Variants in SCYL2 observed in about 807,000 individuals in gnomAD.
SCYL2 encodes the protein SCY1 like pseudokinase 2, also known as SCY1-like protein 2.
SCYL2 carries 36 observed loss-of-function variants against 100.4 expected under a neutral mutation model. The ratio of observed to expected loss-of-function variants is 0.36; its 90% CI spans 0.27 to 0.47. The LOEUF (loss-of-function observed/expected upper bound fraction) is 0.47. SCYL2 is among the 20% of genes least tolerant of loss of function. The probability of loss-of-function intolerance (pLI) is 1.00; values close to 1 mark genes in which losing one functional copy is unlikely to be tolerated. For synonymous variants in SCYL2, 330 were observed against 359.2 expected, an observed-to-expected ratio of 0.92 and a Z score of 0.92; for missense variants, 902 against 1,083.9, an observed-to-expected ratio of 0.83 and a Z score of 2.36.
intron 1 of SCYL2, among the ~76,000 whole-genome samples, chr12:100,277,019 G>T (rs958829540): frequency 1.3e-5 from 2 of 151,860 alleles, no homozygotes; most frequent in African/African-American, 4.8e-5. Context: ...TAAAAGCGTT[G>T]ATTAATTTCC....
intron 3 of SCYL2, among the ~76,000 whole-genome samples, chr12:100,294,991 G>A (rs1405986411): frequency 6.6e-6 from 1 of 151,574 alleles, no homozygotes; most frequent in African/African-American, 2.4e-5. Context: ...CGGGGTGGCC[G>A]GGCAGAGACG....
intron 1 of SCYL2, among the ~76,000 whole-genome samples, chr12:100,268,097 T>G (rs2096281615): frequency 6.6e-6 from 1 of 152,128 alleles, no homozygotes; most frequent in Non-Finnish European, 1.5e-5. Context: ...TATTATCAAA[T>G]CCACCCTCTA....
intron 4 of SCYL2, among the ~76,000 whole-genome samples, chr12:100,304,339 C>T (rs1316566985): frequency 6.6e-6 from 1 of 152,036 alleles, no homozygotes; most frequent in African/African-American, 2.4e-5. Context: ...CGGTGTCTGC[C>T]CAAACGGCGC....
intron 3 of SCYL2, among the ~76,000 whole-genome samples, chr12:100,295,446 G>T (rs993665044): frequency 4.6e-5 from 7 of 152,176 alleles, no homozygotes; most frequent in African/African-American, 1.7e-4. Flanking sequence ...CTGCAATCCC[G>T]GCACCTCGGG....
intron 11 of SCYL2, among the ~76,000 whole-genome samples, chr12:100,324,953 G>A (rs1387011890): frequency 1.3e-5 from 2 of 152,090 alleles, no homozygotes; most frequent in South Asian, 2.1e-4. Flanking sequence ...GTTGTAGGCC[G>A]GGCATGGTGG....
intron 1 of SCYL2, among the ~76,000 whole-genome samples, chr12:100,277,625 A>G (rs533793965): frequency 2.2e-4 from 34 of 152,306 alleles, no homozygotes; most frequent in Admixed American, 5.2e-4. Flanking sequence ...TAAGCAGCAT[A>G]TAGTTAGGTC....
intron 4 of SCYL2, among the ~76,000 whole-genome samples, chr12:100,309,209 T>C (rs2096338795): frequency 6.6e-6 from 1 of 152,060 alleles, no homozygotes. Flanking sequence ...AGGATTCTAT[T>C]TGGCCATCTT....
Position 100,317,875 on chromosome 12 carries a change from G to A in SCYL2, c.1345G>A (p.Val449Ile), listed in dbSNP as rs764878035. 6.2e-7 allele frequency: 1 copy of A among 1,606,718 alleles called. No individual in the cohort carries two copies. The highest frequency in any genetic ancestry group is 8.5e-7 in the Non-Finnish European group (1 of 1,178,456). ...CCCTCCTGATGAGATAAAGAACAGTGTTCTACCCATGGTTTACAGAGCACT... is the reference window on the plus strand; with the variant it reads ...CCCTCCTGATGAGATAAAGAACAGTATTCTACCCATGGTTTACAGAGCACT... ...KTPPDEIKNS[V>I]LPMVYRALEA... Residue 449 changes from valine (V) to isoleucine (I), a missense_variant, in exon 10 of 18, where the codon GTT becomes ATT. Transcript: ENST00000360820.
chr12:100,299,638 T>C (rs544466604), intron 4 of SCYL2, among the ~76,000 whole-genome samples: 1 of 152,322 alleles, frequency 6.6e-6, no homozygotes, highest in East Asian at 1.9e-4. Context: ...TCTTTTTCGG[T>C]CTGGCTTCTT....
chr12:100,271,337 C>T (rs2096287491), intron 1 of SCYL2, among the ~76,000 whole-genome samples: 2 of 148,028 alleles, frequency 1.4e-5, no homozygotes, highest in Non-Finnish European at 3.0e-5. Context: ...CAGGTAAGTA[C>T]TGCATATGGG....
At chr12:100,269,939 C>A (rs1488277537) in intron 1 of SCYL2, among the ~76,000 whole-genome samples, 1 of 151,210 alleles carries the variant, frequency 6.6e-6, no homozygotes, top group Non-Finnish European at 1.5e-5. Flanking sequence ...TTAGACAGTA[C>A]TTGTGTTTTA....
intron 4 of SCYL2, among the ~76,000 whole-genome samples, chr12:100,300,573 C>A (rs570518476): frequency 1.3e-5 from 2 of 152,138 alleles, no homozygotes; most frequent in East Asian, 3.9e-4. Flanking sequence ...CTAGCAAGTT[C>A]TAGGTCTTAT....
intron 1 of SCYL2, among the ~76,000 whole-genome samples, chr12:100,272,274 T>G (rs1051871360): frequency 2.0e-5 from 3 of 152,192 alleles, no homozygotes; most frequent in Non-Finnish European, 4.4e-5. Context: ...TAGGCTTTTT[T>G]CTTCATTAAT....
intron 1 of SCYL2, among the ~76,000 whole-genome samples, chr12:100,281,455 C>T (rs1177083829): frequency 6.6e-6 from 1 of 152,036 alleles, no homozygotes; most frequent in Admixed American, 6.6e-5. Context: ...CTTTGGGAGA[C>T]CAAGATGGGA....
chr12:100,319,767 T>C (rs889916194), intron 10 of SCYL2, among the ~76,000 whole-genome samples: 1 of 152,184 alleles, frequency 6.6e-6, no homozygotes, highest in African/African-American at 2.4e-5. Context: ...TATCATTCAG[T>C]GTAAGTCTTT....
At chr12:100,314,337 T>C (rs2096345904) in intron 7 of SCYL2, 152 bp from the exon 8 acceptor site, 1 of 562,958 alleles carries the variant, frequency 1.8e-6, no homozygotes, top group African/African-American at 2.0e-5. Context: ...TATTTTCTTA[T>C]TCAGAGTTTT....
At chr12:100,278,019 C>T (rs909675491) in intron 1 of SCYL2, among the ~76,000 whole-genome samples, 1 of 152,044 alleles carries the variant, frequency 6.6e-6, no homozygotes, top group African/African-American at 2.4e-5. Flanking sequence ...TATATTTCCC[C>T]TCCTGTTCTT....
chr12:100,284,289 C>T (rs781545093), intron 2 of SCYL2, among the ~76,000 whole-genome samples: 2 of 152,162 alleles, frequency 1.3e-5, no homozygotes, highest in Admixed American at 1.3e-4. Context: ...GAACCAGGCA[C>T]AAATGATAGA....
intron 4 of SCYL2, among the ~76,000 whole-genome samples, chr12:100,305,633 A>G (rs1035940179): frequency 3.3e-5 from 5 of 152,096 alleles, no homozygotes; most frequent in African/African-American, 4.8e-5. Flanking sequence ...GCAGAAGACA[A>G]TAAATAACTA....
Sources: gnomAD v4.1 joint callset for allele counts (sites outside exome capture counted in the v4.1 genomes callset) on GRCh38, gnomAD v4.1.1 for gene constraint, MANE v1.5 for transcripts, NCBI Gene and HGNC (gene_info 2026-07-23, HGNC 2026-07-21) for gene names.